Variants in NT5DC1 observed in about 807,000 individuals in gnomAD.
NT5DC1 encodes the protein 5'-nucleotidase domain containing 1.
In NT5DC1, 42 loss-of-function variants were observed where a neutral mutation model predicts 59.4. The observed-to-expected ratio is 0.71, with a 90% CI of 0.55 to 0.92. The LOEUF is 0.92. Ranked by LOEUF, NT5DC1 falls within the 40% of genes least tolerant of loss-of-function variation. The pLI, the probability that NT5DC1 is intolerant of heterozygous loss-of-function variation, is 0.00. For synonymous variants in NT5DC1, 172 were observed against 188.1 expected, an observed-to-expected ratio of 0.91 and a Z score of 0.70; for missense variants, 501 against 537.1, an observed-to-expected ratio of 0.93 and a Z score of 0.66.
At chr6:116,153,893 G>A (rs963240274) in intron 6 of NT5DC1, among the ~76,000 whole-genome samples, 2 of 152,016 alleles carry the variant, frequency 1.3e-5, no homozygotes, top group Non-Finnish European at 2.9e-5. Context: ...AGCATCAAAA[G>A]GAAAAGTAAA....
rs367611548 is a variant in NT5DC1, at chr6:116,236,991, G to A, written c.828G>A (p.Leu276=). Residue 276 remains leucine (L), a synonymous_variant, in exon 9 of 12, where the codon CTG becomes CTA. Transcript: ENST00000319550. The stretch of plus-strand genomic sequence containing the variant: ...AGAATGATGAGGAGCAGGAGGCACT[G>A]CCATCTCTGGATAAACCTGGCTGGT... ...TLENDEEQEA[L]PSLDKPGWYS... 31 of 1,607,018 alleles carry A rather than the reference G, an allele frequency of 1.9e-5. No homozygotes were observed. In the Middle Eastern group the frequency reaches 5.0e-4, roughly 26 times the overall value.
rs371456246 is a variant in NT5DC1 at position 116,239,098 on chromosome 6, A to G, written c.1227A>G (p.Ala409=). The G allele has an allele frequency of 3.7e-6, 6 of 1,611,926 alleles. No homozygotes were observed. Among genetic ancestry groups the G allele is most frequent in the Non-Finnish European group, 5.1e-6 (6 of 1,179,042 alleles). ...CKRISTYSTI[A]IPSIEAIAEL... ...GAATCAGTACTTACAGCACTATTGCAATTCCAAGTATTGAAGCAATCGCAG... is the reference window on the plus strand; with the variant it reads ...GAATCAGTACTTACAGCACTATTGCGATTCCAAGTATTGAAGCAATCGCAG... The change falls in exon 11 of 12, where the codon GCA becomes GCG. Residue 409 remains alanine (A), a synonymous_variant. Transcript: ENST00000319550.
At chr6:116,188,401 A>G (rs775174408) in intron 6 of NT5DC1, among the ~76,000 whole-genome samples, 2 of 152,068 alleles carry the variant, frequency 1.3e-5, no homozygotes, top group Non-Finnish European at 2.9e-5. Flanking sequence ...AGACAGCCCA[A>G]ATATCCCTCA....
intron 6 of NT5DC1, among the ~76,000 whole-genome samples, chr6:116,194,934 A>G (rs569550355): frequency 1.1e-4 from 16 of 152,166 alleles, no homozygotes; most frequent in Non-Finnish European, 1.6e-4. Context: ...TCATAGTTGG[A>G]TACTGTGGCA....
rs144938484 is a variant in NT5DC1 at position 116,192,789 on chromosome 6, G to A, written c.530-28265G>A. ...TCTGTGTGCACATTTCCTCTATTACGATTTCCTCCTGGTATTAAGCTGAAA... is the reference window on the plus strand; with the variant it reads ...TCTGTGTGCACATTTCCTCTATTACAATTTCCTCCTGGTATTAAGCTGAAA... On this transcript the variant is annotated intron_variant, in intron 6 of 11. Transcript: ENST00000319550. Among the ~76,000 whole-genome samples, 652 of 151,974 alleles carry A rather than the reference G, an allele frequency of 4.3e-3. 5 individuals carry two copies. The highest frequency in any genetic ancestry group is 7.4e-3 in the Non-Finnish European group (505 of 67,912).
At chr6:116,232,726 G>A (rs951933386) in intron 8 of NT5DC1, among the ~76,000 whole-genome samples, 14 of 152,012 alleles carry the variant, frequency 9.2e-5, no homozygotes, top group African/African-American at 3.1e-4. Flanking sequence ...CTGTATCATT[G>A]TCCCATATCT....
intron 6 of NT5DC1, among the ~76,000 whole-genome samples, chr6:116,182,500 C>T (rs1780906150): frequency 6.6e-6 from 1 of 152,094 alleles, no homozygotes; most frequent in African/African-American, 2.4e-5. Context: ...TACATACCCA[C>T]CAACAGTGGA....
At chr6:116,124,024 G>A (rs1027640937) in intron 6 of NT5DC1, among the ~76,000 whole-genome samples, 2 of 151,970 alleles carry the variant, frequency 1.3e-5, no homozygotes, top group Non-Finnish European at 2.9e-5. Context: ...GCGGAAGGTT[G>A]CTTTGTCTTT....
intron 6 of NT5DC1, among the ~76,000 whole-genome samples, chr6:116,150,974 T>C (rs1376758480): frequency 6.6e-6 from 1 of 152,246 alleles, no homozygotes; most frequent in Non-Finnish European, 1.5e-5. Context: ...ATTTTATGAT[T>C]TTTTGACAGG....
chr6:116,172,144 T>C (rs1780623213), intron 6 of NT5DC1, among the ~76,000 whole-genome samples: 1 of 152,196 alleles, frequency 6.6e-6, no homozygotes, highest in African/African-American at 2.4e-5. Flanking sequence ...TGTAAATTTG[T>C]AAACCCTTTC....
Position 116,108,449 on chromosome 6 carries a change from G to A in NT5DC1, c.257+14G>A. ...CACTGTTCTCAGGTAATAAAACTTA[G>A]TTGTGAAGTCTAAACTTTACCTTCT... On this transcript the variant is annotated intron_variant, in intron 3 of 11. Transcript: ENST00000319550. 2 of 1,543,212 alleles carry A rather than the reference G, an allele frequency of 1.3e-6. No homozygotes were observed. The highest frequency in any genetic ancestry group is 1.8e-6 in the Non-Finnish European group (2 of 1,115,510).
chr6:116,103,401 A>G (rs1478304912), intron 1 of NT5DC1, among the ~76,000 whole-genome samples: 1 of 152,074 alleles, frequency 6.6e-6, no homozygotes, highest in African/African-American at 2.4e-5. Context: ...AAGTGTATCC[A>G]GGGCAACTAA....
chr6:116,171,359 T>C (rs189287455), intron 6 of NT5DC1, among the ~76,000 whole-genome samples: 100 of 152,334 alleles, frequency 6.6e-4, no homozygotes, highest in Non-Finnish European at 1.2e-3. Context: ...CCAGGAATTA[T>C]AAATAGACAC....
chr6:116,213,867 T>G (rs924965243), intron 6 of NT5DC1, among the ~76,000 whole-genome samples: 1 of 152,044 alleles, frequency 6.6e-6, no homozygotes, highest in South Asian at 2.1e-4. Flanking sequence ...ATTGGGGATT[T>G]TGTGCCAAGC....
At chr6:116,103,471 G>A (rs189610380) in intron 1 of NT5DC1, among the ~76,000 whole-genome samples, 3 of 152,160 alleles carry the variant, frequency 2.0e-5, no homozygotes, top group African/African-American at 2.4e-5. Flanking sequence ...TATGGTGCCC[G>A]AAAACACAGA....
intron 6 of NT5DC1, among the ~76,000 whole-genome samples, chr6:116,131,220 C>G (rs775411372): frequency 1.3e-5 from 2 of 152,078 alleles, no homozygotes; most frequent in Admixed American, 6.6e-5. Context: ...TCACCAAGAG[C>G]CAATATAAGC....
At chr6:116,122,130 A>T (rs1030493040) in intron 6 of NT5DC1, among the ~76,000 whole-genome samples, 2 of 152,228 alleles carry the variant, frequency 1.3e-5, no homozygotes, top group African/African-American at 2.4e-5. Context: ...ATACTGTTTT[A>T]AAAAATTCTG....
chr6:116,247,881 G>A lies in NT5DC1; in HGVS notation c.*3857G>A, dbSNP rs999818790. 9 of 152,156 alleles carry A rather than the reference G, an allele frequency of 5.9e-5. No homozygotes were observed. The highest frequency in any genetic ancestry group is 1.9e-4 in the East Asian group (1 of 5,196). 9.4% of individuals were successfully genotyped at this position (152,156 alleles called of 1,614,324 possible). On this transcript the variant is annotated 3_prime_UTR_variant, in exon 12 of 12. Transcript: ENST00000319550. ...AGCAGCTAAATTCCATGAGTATAAC[G>A]TTTAATGTCTTTTTGGTACATTAAA...
At chr6:116,161,336 TATA>T (rs944632900) in intron 6 of NT5DC1, among the ~76,000 whole-genome samples, 5 of 151,628 alleles carry the variant, frequency 3.3e-5, no homozygotes, top group South Asian at 2.1e-4. Flanking sequence ...AAACTTAAAG[TATA>T]ATAATAATAA....
Sources: allele counts gnomAD v4.1 joint callset (sites outside exome capture counted in the v4.1 genomes callset), GRCh38; gene constraint gnomAD v4.1.1; transcripts MANE v1.5; gene names NCBI Gene and HGNC (gene_info 2026-07-23, HGNC 2026-07-21).